Variants in SPRR3 observed in about 807,000 individuals in gnomAD.
The protein encoded by SPRR3 is small proline rich protein 3.
For missense variants in SPRR3, 183 were observed against 200.3 expected, an observed-to-expected ratio of 0.91 and a Z score of 0.52; for synonymous variants, 58 against 72.3, an observed-to-expected ratio of 0.80 and a Z score of 1.01.
chr1:153,003,436 C>G lies in SPRR3; in HGVS notation c.416C>G (p.Thr139Ser), dbSNP rs147665003. 4 of 1,613,940 alleles carry G rather than the reference C, an allele frequency of 2.5e-6. No individual in the cohort carries two copies. The African/African-American group carries it at 4.0e-5, about 16-fold the overall frequency. ...GAIKVPEQGY[T>S]KVPVPGYTKL... ...ATCAAAGTTCCTGAGCAAGGATACA[C>G]CAAAGTTCCTGTGCCAGGCTACACA... is the stretch of plus-strand genomic sequence containing the variant. Residue 139 changes from threonine to serine, a missense_variant, in exon 2 of 2, where the codon ACC becomes AGC. Thr to Ser is a moderately conservative substitution (Grantham distance 58, BLOSUM62 1). Coordinates refer to ENST00000295367, the MANE Select transcript of SPRR3 (RefSeq NM_001097589.2).
chr1:153,002,862 C>T, intron 1 of SPRR3, 140 bp from the exon 2 acceptor site: 1 of 913,604 alleles, frequency 1.1e-6, no homozygotes, highest in Non-Finnish European at 1.6e-6. Flanking sequence ...ACCAAAGCAT[C>T]CCATGATCTC....
chr1:153,002,672 T>G (rs138414384), intron 1 of SPRR3: 2 of 237,646 alleles, frequency 8.4e-6, no homozygotes, highest in East Asian at 1.9e-4. Context: ...GCTTAGAGGA[T>G]TCTTCAAAGA....
rs753220897 is a variant in SPRR3 at position 153,003,520 on chromosome 1, A to C, written c.500A>C (p.Lys167Thr). The change falls in exon 2 of 2, where the codon AAG becomes ACG. Residue 167 changes from lysine to threonine, a missense_variant. Physicochemically the swap from Lys to Thr is moderately conservative, Grantham distance 78 (BLOSUM62 -1). Transcript: ENST00000295367. Reference sequence around the variant, plus strand: ...CCAGGCCCAGCTCAGCAGAAGACCAAGCAGAAGTAATTTGGTGCACAGACA... The same window carrying C: ...CCAGGCCCAGCTCAGCAGAAGACCACGCAGAAGTAATTTGGTGCACAGACA... ...VTPGPAQQKT[K>T]QK 4.3e-6 allele frequency: 7 copies of C among 1,613,418 alleles called. No individual in the cohort carries two copies. The Admixed American group carries it at 6.7e-5, about 15-fold the overall frequency.
Position 153,003,784 on chromosome 1 carries a change from G to T in SPRR3, c.*254G>T, listed in dbSNP as rs1278128486. ...CTTTTCTGGTCTTCGGCTGCTCAGG[G>T]TTCATCTGAAGATTCGAATGAAAAG... On this transcript the variant is annotated 3_prime_UTR_variant, in exon 2 of 2. Coordinates refer to ENST00000295367, the MANE Select transcript of SPRR3 (RefSeq NM_001097589.2). The T allele has an allele frequency of 3.6e-6, 2 of 550,074 alleles. No homozygotes were observed. The highest frequency in any genetic ancestry group is 6.2e-5 in the East Asian group (2 of 32,282). 34.1% of individuals were successfully genotyped at this position (550,074 alleles called of 1,614,324 possible).
rs762664037 is a variant in SPRR3, at chr1:153,003,206, TG to T, written c.187del (p.Glu63SerfsTer137). On this transcript the variant is annotated frameshift_variant, in exon 2 of 2. Coordinates refer to ENST00000295367, the MANE Select transcript of SPRR3 (RefSeq NM_001097589.2). LOFTEE classifies it low-confidence loss of function (END_TRUNC). ...CAGAGCCAGGCTGTACCAAGGTCCC[TG>T]AGCCAGGCTGTACCAAGGTCCCTGA... ...IPEPGCTKVPEPGCTKVPEPG... is the reference protein window; with the variant it reads ...IPEPGCTKVPXPGCTKVPEPG... The T allele has an allele frequency of 1.5e-5, 18 of 1,173,216 alleles. No individual in the cohort carries two copies. The highest frequency in any genetic ancestry group is 9.0e-5 in the South Asian group (5 of 55,414). The allele number at this position is 1,173,216 out of a possible 1,614,324, so 72.7% of individuals were successfully genotyped here. A position where few individuals can be genotyped will look rare whatever the true frequency, so the allele number is the denominator to read the frequency against.
Position 153,003,322 on chromosome 1 carries a change from T to C in SPRR3, c.302T>C (p.Val101Ala), listed in dbSNP as rs147303412. 282 of 1,608,630 alleles carry C rather than the reference T, an allele frequency of 1.8e-4. No homozygotes were observed. The highest frequency in any genetic ancestry group is 2.2e-4 in the Non-Finnish European group (254 of 1,176,966). Residue 101 changes from valine to alanine, a missense_variant, in exon 2 of 2, where the codon GTC becomes GCC. Coordinates refer to ENST00000295367, the MANE Select transcript of SPRR3 (RefSeq NM_001097589.2). ...TKVPEPGCTKVPEPGYTKVPE... is the reference protein window; with the variant it reads ...TKVPEPGCTKAPEPGYTKVPE... Reference sequence around the variant, plus strand: ...GTCCCTGAGCCAGGTTGTACCAAGGTCCCTGAGCCAGGCTACACCAAGGTC... The same window carrying C: ...GTCCCTGAGCCAGGTTGTACCAAGGCCCCTGAGCCAGGCTACACCAAGGTC...
intron 1 of SPRR3, 62 bp from the exon 2 acceptor site, chr1:153,002,940 G>T: frequency 6.8e-7 from 1 of 1,475,840 alleles, no homozygotes; most frequent in Non-Finnish European, 9.2e-7. Context: ...ACAGATATTT[G>T]TCATTAAACT....
In SPRR3 at chr1:153,003,011, C is replaced by T. The variant is rs1357885919; in HGVS notation, c.-10C>T. On this transcript the variant is annotated 5_prime_UTR_variant, in exon 2 of 2. Transcript: ENST00000295367. ...GCTGTTTTGTCTCTAGGTCCAGCATCCTTTGAAGCATGAGTTCTTACCAGC... is the reference window on the plus strand; with the variant it reads ...GCTGTTTTGTCTCTAGGTCCAGCATTCTTTGAAGCATGAGTTCTTACCAGC... 1 of 1,608,152 alleles carries T rather than the reference C, an allele frequency of 6.2e-7. No individual in the cohort carries two copies. The highest frequency in any genetic ancestry group is 1.3e-5 in the African/African-American group (1 of 74,650).
Position 153,003,028 on chromosome 1 carries a change from C to G in SPRR3, c.8C>G (p.Ser3Cys), listed in dbSNP as rs1486708098. The G allele has an allele frequency of 2.5e-6, 4 of 1,612,662 alleles. No homozygotes were observed. Among genetic ancestry groups the G allele is most frequent in the Non-Finnish European group, 3.4e-6 (4 of 1,179,256 alleles). Residue 3 changes from serine to cysteine, a missense_variant, in exon 2 of 2, where the codon TCT (serine) becomes TGT (cysteine). By Grantham distance (112) the Ser-to-Cys change is moderately radical. Transcript: ENST00000295367. MS[S>C]YQQKQTFTPP... ...TCCAGCATCCTTTGAAGCATGAGTT[C>G]TTACCAGCAGAAGCAGACCTTTACC...
intron 1 of SPRR3, 83 bp from the exon 2 acceptor site, chr1:153,002,919 A>G: frequency 7.2e-7 from 1 of 1,389,674 alleles, no homozygotes; most frequent in Middle Eastern, 1.9e-4. Flanking sequence ...GTTCTGAAGG[A>G]GAATGAAATG....
At position 153,003,563 on chromosome 1, in the gene SPRR3, C is replaced by T; in HGVS notation, c.*33C>T. 1.9e-6 allele frequency: 3 copies of T among 1,606,310 alleles called. No homozygotes were observed. Among genetic ancestry groups the T allele is most frequent in the Non-Finnish European group, 2.6e-6 (3 of 1,174,922 alleles). On this transcript the variant is annotated 3_prime_UTR_variant, in exon 2 of 2. Transcript: ENST00000295367. Reference sequence around the variant, plus strand: ...CACAGACAAGCCCTTGAGAAGCCAACCACCAGATGCTGGACACCCTCTTCC... The same window carrying T: ...CACAGACAAGCCCTTGAGAAGCCAATCACCAGATGCTGGACACCCTCTTCC...
Position 153,003,346 on chromosome 1 carries a change from T to C in SPRR3, c.326T>C (p.Val109Ala), listed in dbSNP as rs1046782134. Residue 109 changes from valine (V) to alanine (A), a missense_variant, in exon 2 of 2, where the codon GTC (valine) becomes GCC (alanine). Physicochemically the swap from Val to Ala is moderately conservative, Grantham distance 64 (BLOSUM62 0). Coordinates refer to ENST00000295367, the MANE Select transcript of SPRR3 (RefSeq NM_001097589.2). ...GTCCCTGAGCCAGGCTACACCAAGG[T>C]CCCTGAACCAGGCAGCATCAAGGTC... ...TKVPEPGYTKVPEPGSIKVPD... is the reference protein window; with the variant it reads ...TKVPEPGYTKAPEPGSIKVPD... 19 of 1,609,694 alleles carry C rather than the reference T, an allele frequency of 1.2e-5. 3 individuals are homozygous for C. The highest frequency in any genetic ancestry group is 1.6e-5 in the Non-Finnish European group (19 of 1,177,878).
Position 153,003,104 on chromosome 1 carries a change from A to T in SPRR3, c.84A>T (p.Pro28=), listed in dbSNP as rs775377035. The change falls in exon 2 of 2, where the codon CCA becomes CCT. Residue 28 remains proline, a synonymous_variant. Coordinates refer to ENST00000295367, the MANE Select transcript of SPRR3 (RefSeq NM_001097589.2). ...QQQVKQPSQP[P]PQEIFVPTTK... ...AGGTGAAACAACCCAGCCAGCCTCC[A>T]CCTCAGGAAATATTTGTTCCCACAA... is the stretch of plus-strand genomic sequence containing the variant. 1.9e-6 allele frequency: 3 copies of T among 1,613,926 alleles called. No individual in the cohort carries two copies. The highest frequency in any genetic ancestry group is 2.5e-6 in the Non-Finnish European group (3 of 1,180,012).
intron 1 of SPRR3, chr1:153,002,765 G>A (rs2879488): frequency 0.53 from 279,499 of 522,802 alleles, 75,996 homozygotes; most frequent in East Asian, 0.66. Flanking sequence ...GATGTACCAG[G>A]AAGAAAAGAA....
Position 153,003,361 on chromosome 1 carries a change from G to A in SPRR3, c.341G>A (p.Ser114Asn), listed in dbSNP as rs146009369. 7 of 1,613,688 alleles carry A rather than the reference G, an allele frequency of 4.3e-6. No individual in the cohort carries two copies. Among genetic ancestry groups the A allele is most frequent in the Non-Finnish European group, 5.9e-6 (7 of 1,179,840 alleles). Residue 114 changes from serine to asparagine, a missense_variant, in exon 2 of 2, where the codon AGC becomes AAC. By Grantham distance (46) the Ser-to-Asn change is conservative (BLOSUM62 1). Coordinates refer to ENST00000295367, the MANE Select transcript of SPRR3 (RefSeq NM_001097589.2). ...TACACCAAGGTCCCTGAACCAGGCA[G>A]CATCAAGGTCCCTGACCAAGGCTTC... Reference protein sequence around the residue: ...PGYTKVPEPGSIKVPDQGFIK... With the variant: ...PGYTKVPEPGNIKVPDQGFIK...
chr1:153,003,707 C>T lies in SPRR3; in HGVS notation c.*177C>T. 1 of 946,328 alleles carries T rather than the reference C, an allele frequency of 1.1e-6. No individual in the cohort carries two copies. The highest frequency in any genetic ancestry group is 1.7e-5 in the African/African-American group (1 of 60,212). The allele number at this position is 946,328 out of a possible 1,614,324, so 58.6% of individuals were successfully genotyped here. A position where few individuals can be genotyped will look rare whatever the true frequency, so the allele number is the denominator to read the frequency against. Reference sequence around the variant, plus strand: ...ACGTACTATAAAGCTTTTGTTCACACACACTCTGAAGAATCCTGTAAGCCC... The same window carrying T: ...ACGTACTATAAAGCTTTTGTTCACATACACTCTGAAGAATCCTGTAAGCCC... On this transcript the variant is annotated 3_prime_UTR_variant, in exon 2 of 2. Coordinates refer to ENST00000295367, the MANE Select transcript of SPRR3 (RefSeq NM_001097589.2).
Position 153,003,751 on chromosome 1 carries a change from C to G in SPRR3, c.*221C>G, listed in dbSNP as rs896046357. On this transcript the variant is annotated 3_prime_UTR_variant, in exon 2 of 2. Transcript: ENST00000295367. The stretch of plus-strand genomic sequence containing the variant: ...TAAGCCCCTGAATTAAGCAGAAAGT[C>G]TTCATGGCTTTTCTGGTCTTCGGCT... The G allele has an allele frequency of 2.4e-5, 16 of 662,820 alleles. No homozygotes were observed. The South Asian group carries it at 2.5e-4, about 10-fold the overall frequency. The allele number at this position is 662,820 out of a possible 1,614,324, so 41.1% of individuals were successfully genotyped here. A position where few individuals can be genotyped will look rare whatever the true frequency, so the allele number is the denominator to read the frequency against.
chr1:153,002,153 T>C (rs1407437778), intron 1 of SPRR3: 2 of 152,286 alleles, frequency 1.3e-5, no homozygotes, highest in Non-Finnish European at 2.9e-5. Context: ...TTAGAAAACA[T>C]ATACTTGACT....
In SPRR3 at chr1:153,003,531, T is replaced by C. The variant is rs1652880178; in HGVS notation, c.*1T>C. 6.2e-7 allele frequency: 1 copy of C among 1,613,006 alleles called. No homozygotes were observed. The highest frequency in any genetic ancestry group is 1.7e-5 in the Admixed American group (1 of 59,942). ...TCAGCAGAAGACCAAGCAGAAGTAA[T>C]TTGGTGCACAGACAAGCCCTTGAGA... On this transcript the variant is annotated 3_prime_UTR_variant, in exon 2 of 2. Coordinates refer to ENST00000295367, the MANE Select transcript of SPRR3 (RefSeq NM_001097589.2).
Sources: allele counts gnomAD v4.1 joint callset, GRCh38; gene constraint gnomAD v4.1.1; transcripts MANE v1.5; gene names NCBI Gene and HGNC (gene_info 2026-07-23, HGNC 2026-07-21).